Variants in VPS9D1 observed in about 807,000 individuals in gnomAD.
VPS9D1 encodes the protein VPS9 domain containing 1.
In VPS9D1, 78 loss-of-function variants were observed where a neutral mutation model predicts 75.8. The observed-to-expected ratio is 1.03, with a 90% confidence interval of 0.86 to 1.24. The LOEUF is 1.24. VPS9D1 is among the 50% of genes most tolerant of loss of function. The probability of loss-of-function intolerance (pLI) is 0.00; values close to 1 mark genes in which losing one functional copy is unlikely to be tolerated. For missense variants in VPS9D1, 1,057 were observed against 847.7 expected (o/e 1.25, Z -3.07); for synonymous variants, 481 against 385.6 (o/e 1.25, Z -2.90).
chr16:89,717,334 G>A (rs1269473066), intron 2 of VPS9D1: 1 of 349,268 alleles, frequency 2.9e-6, no homozygotes, highest in Admixed American at 3.8e-5. Context: ...AGCTTCACTT[G>A]CAACTGCAGG....
At chr16:89,711,278 G>A (rs1301160297) in intron 9 of VPS9D1, 49 bp downstream of exon 9, 2 of 1,551,878 alleles carry the variant, frequency 1.3e-6, no homozygotes, top group Non-Finnish European at 1.8e-6. Flanking sequence ...AGGCAGAGGT[G>A]CCCAAGGCCG....
In VPS9D1 at chr16:89,712,528, G is replaced by C. The variant is rs188589864; in HGVS notation, c.544-6C>G. 1,443 of 1,612,296 alleles carry C rather than the reference G, an allele frequency of 8.9e-4. 10 individuals carry two copies. In the African/African-American group the frequency reaches 0.017, roughly 19 times the overall value. ...TGCCGCTGTAGAGAGAGGGTCTGGG[G>C]GGGGAGGAGGGAGTAAGGCCGACTC... On this transcript the variant is annotated splice_polypyrimidine_tract_variant and splice_region_variant and intron_variant, in intron 5 of 14. Transcript: ENST00000389386.
Position 89,710,568 on chromosome 16 carries a change from G to C in VPS9D1, c.1258+18C>G, listed in dbSNP as rs371853386. The C allele has an allele frequency of 7.4e-5, 116 of 1,575,222 alleles. No individual in the cohort carries two copies. The highest frequency in any genetic ancestry group is 1.7e-4 in the Middle Eastern group (1 of 5,930). The stretch of plus-strand genomic sequence containing the variant: ...GTGAAGAGCTGCGGCGGCTCTCCCA[G>C]GGAGGGCCTGGCCTCACCTACGGCA... On this transcript the variant is annotated intron_variant, in intron 10 of 14. Transcript: ENST00000389386.
chr16:89,710,490 T>C (rs2060889699), intron 10 of VPS9D1, 96 bp downstream of exon 10: 2 of 1,362,072 alleles, frequency 1.5e-6, no homozygotes, highest in African/African-American at 2.9e-5. Flanking sequence ...TCAGAGTCTC[T>C]GATCAACAGA....
rs2060902736 is a variant in VPS9D1 at position 89,710,958 on chromosome 16, A to G, written c.886T>C (p.Tyr296His). ...CTCACGGCGGGATACAGGGCGCTGT[A>G]CACGGAGCACTGCAGCCGCCTCAGG... ...QLLRRLQCSV[Y>H]SALYPAVSRA... Residue 296 changes from tyrosine to histidine, a missense_variant, in exon 10 of 15, where the codon TAC (tyrosine) becomes CAC (histidine). Physicochemically the swap from Tyr to His is moderately conservative, Grantham distance 83 (BLOSUM62 2). Transcript: ENST00000389386. The G allele has an allele frequency of 2.1e-6, 3 of 1,456,410 alleles. No homozygotes were observed. Among genetic ancestry groups the G allele is most frequent in the Admixed American group, 2.6e-5 (1 of 38,802 alleles). 90.2% of individuals were successfully genotyped at this position (1,456,410 alleles called of 1,614,324 possible).
In VPS9D1 at chr16:89,709,440, G is replaced by A; in HGVS notation, c.1389-5C>T. ...TCCCGGGCTCGGTGCACGCTCCTGG[G>A]GCAGAGAGAGGCCAGGCTAAGCTGC... On this transcript the variant is annotated splice_polypyrimidine_tract_variant and splice_region_variant and intron_variant, in intron 11 of 14. Transcript: ENST00000389386. 1 of 1,505,244 alleles carries A rather than the reference G, an allele frequency of 6.6e-7. No homozygotes were observed. The highest frequency in any genetic ancestry group is 8.8e-7 in the Non-Finnish European group (1 of 1,136,060). The allele number at this position is 1,505,244 out of a possible 1,614,324, so 93.2% of individuals were successfully genotyped here.
intron 4 of VPS9D1, among the ~76,000 whole-genome samples, chr16:89,714,432 C>T (rs2061014279): frequency 6.6e-6 from 1 of 152,196 alleles, no homozygotes; most frequent in Non-Finnish European, 1.5e-5. Flanking sequence ...CTCCTTTATA[C>T]AGTTCCCAAC....
rs7206570 is a variant in VPS9D1, at chr16:89,716,581, A to G, written c.312T>C (p.Ile104=). Residue 104 remains isoleucine, a synonymous_variant, in exon 4 of 15, where the codon ATT becomes ATC. Transcript: ENST00000389386. The part of the protein sequence containing the change: ...LKPTMPAAAP[I]PQPAGRHRRV... ...GGCGGTGTCGGCCGGCAGGCTGGGGAATGGGAGCAGCTGCAGGCATGGTTG... is the reference window on the plus strand; with the variant it reads ...GGCGGTGTCGGCCGGCAGGCTGGGGGATGGGAGCAGCTGCAGGCATGGTTG... 0.97 allele frequency: 1,568,222 copies of G among 1,613,906 alleles called. 763,265 individuals are homozygous for G. The highest frequency in any genetic ancestry group is 0.99 in the Non-Finnish European group (1,163,472 of 1,179,970).
chr16:89,719,221 T>C (rs1462162955), intron 1 of VPS9D1, 119 bp from the exon 2 acceptor site: 1 of 946,596 alleles, frequency 1.1e-6, no homozygotes, highest in East Asian at 2.5e-5. Flanking sequence ...ATCTCTGAGA[T>C]ACACCCAGAG....
In VPS9D1 at chr16:89,719,063, A is replaced by C; in HGVS notation, c.139T>G (p.Ser47Ala). The C allele has an allele frequency of 6.2e-7, 1 of 1,613,470 alleles. No individual in the cohort carries two copies. The highest frequency in any genetic ancestry group is 8.5e-7 in the Non-Finnish European group (1 of 1,179,860). Residue 47 changes from serine (S) to alanine (A), a missense_variant, in exon 2 of 15, where the codon TCC becomes GCC. Ser to Ala is a moderately conservative substitution (Grantham distance 99, BLOSUM62 1). Coordinates refer to ENST00000389386, the MANE Select transcript of VPS9D1 (RefSeq NM_004913.3). The stretch of plus-strand genomic sequence containing the variant: ...TCCACTTCTTCTAGTAACACCTGGG[A>C]GATATAGTGGATGCTCCTCAGGTAT... ...TEYLRSIHYI[S>A]QVLLEEVETT...
At position 89,710,725 on chromosome 16, in the gene VPS9D1, C is replaced by A. The variant is rs1203141161; in HGVS notation, c.1119G>T (p.Leu373Phe). The change falls in exon 10 of 15, where the codon TTG becomes TTT. Residue 373 changes from leucine to phenylalanine, a missense_variant. Leu to Phe is a conservative substitution (Grantham distance 22). Transcript: ENST00000389386. ...CCTCGAACGAGCTGTCCTTGTCTGG[C>A]AATCCAGATGCGGTGTCCCCCAGGG... is the stretch of plus-strand genomic sequence containing the variant. Reference protein sequence around the residue: ...PSPLGDTASGLPDKDSSFEDL... With the variant: ...PSPLGDTASGFPDKDSSFEDL... 18 of 1,597,138 alleles carry A rather than the reference C, an allele frequency of 1.1e-5. No homozygotes were observed. The highest frequency in any genetic ancestry group is 1.4e-5 in the Non-Finnish European group (16 of 1,172,426).
At chr16:89,717,018 C>CT (rs2061087616) in intron 2 of VPS9D1, 196 bp from the exon 3 acceptor site, 2 of 411,372 alleles carry the variant, frequency 4.9e-6, no homozygotes, top group African/African-American at 6.6e-5. Flanking sequence ...CCCCTCACCC[C>CT]GGGTAAGCCC....
At chr16:89,711,548 C>G (rs995394179) in intron 8 of VPS9D1, 136 bp from the exon 9 acceptor site, 15 of 837,862 alleles carry the variant, frequency 1.8e-5, no homozygotes, top group South Asian at 1.6e-4. Flanking sequence ...CCAGCAGGCC[C>G]CGCGACCCGC....
At chr16:89,712,565 G>A in intron 5 of VPS9D1, 40 bp downstream of exon 5, 1 of 1,608,988 alleles carries the variant, frequency 6.2e-7, no homozygotes, top group Non-Finnish European at 8.5e-7. Flanking sequence ...CCTCTGCCCC[G>A]CGCCCACGCA....
chr16:89,714,255 A>T (rs1388706981), intron 4 of VPS9D1, among the ~76,000 whole-genome samples: 1 of 151,348 alleles, frequency 6.6e-6, no homozygotes, highest in Non-Finnish European at 1.5e-5. Flanking sequence ...TTTTTTTTTT[A>T]AGCTCATCGG....
rs1032050038 is a variant in VPS9D1, at chr16:89,712,662, C to A, written c.486G>T (p.Ala162=). The change falls in exon 5 of 15, where the codon GCG becomes GCT. Residue 162 remains alanine, a synonymous_variant. Transcript: ENST00000389386. ...ASLQNQKLKA[A]YEARMARLDP... ...CTAGCCGCGCCATTCGGGCCTCATA[C>A]GCAGCCTTCAGCTTCTGATTCTGCA... is the stretch of plus-strand genomic sequence containing the variant. The A allele has an allele frequency of 1.7e-5, 27 of 1,612,180 alleles. No individual in the cohort carries two copies. The highest frequency in any genetic ancestry group is 2.1e-5 in the Non-Finnish European group (25 of 1,178,980).
intron 9 of VPS9D1, 47 bp from the exon 10 acceptor site, chr16:89,711,057 G>A: frequency 1.4e-6 from 2 of 1,427,508 alleles, no homozygotes; most frequent in Middle Eastern, 2.6e-4. Flanking sequence ...CGGCCTCTCC[G>A]TGGCATCCAC....
At position 89,709,256 on chromosome 16, in the gene VPS9D1, C is replaced by G. The variant is rs1567540805; in HGVS notation, c.1568G>C (p.Ser523Thr). 2 of 1,611,842 alleles carry G rather than the reference C, an allele frequency of 1.2e-6. No homozygotes were observed. The highest frequency in any genetic ancestry group is 1.1e-5 in the South Asian group (1 of 91,042). Residue 523 changes from serine (S) to threonine (T), a missense_variant, in exon 12 of 15, where the codon AGC becomes ACC. Ser to Thr is a moderately conservative substitution (Grantham distance 58, BLOSUM62 1). Transcript: ENST00000389386. The part of the protein sequence containing the change: ...AQELGLLVLE[S>T]CPQKKLECIV... ...GCACTCCAGCTTCTTCTGGGGGCAG[C>G]TCTCCAGGACCAGCAGTCCGAGCTC...
At position 89,708,877 on chromosome 16, in the gene VPS9D1, C is replaced by CG; in HGVS notation, c.1676dup (p.Pro560AlafsTer11). ...CTCACATGGCAGCTGCAGCGATGGG[C>CG]GGGGGCCCGGCCTGGGGTGTGGCCT... On this transcript the variant is annotated frameshift_variant, in exon 13 of 15. Coordinates refer to ENST00000389386, the MANE Select transcript of VPS9D1 (RefSeq NM_004913.3). LOFTEE classifies it high-confidence loss of function. 6.3e-7 allele frequency: 1 copy of CG among 1,584,374 alleles called. No homozygotes were observed. Among genetic ancestry groups the CG allele is most frequent in the South Asian group, 1.2e-5 (1 of 85,964 alleles).
Sources: gnomAD v4.1 joint callset for allele counts (sites outside exome capture counted in the v4.1 genomes callset) on GRCh38, gnomAD v4.1.1 for gene constraint, MANE v1.5 for transcripts, NCBI Gene and HGNC (gene_info 2026-07-23, HGNC 2026-07-21) for gene names.